Variants in TPGS2 observed in about 807,000 individuals in gnomAD.
TPGS2 encodes the protein polyglutamylase subunit 2.
A neutral mutation model predicts 31.1 loss-of-function variants in TPGS2; 26 were observed. The ratio of observed to expected loss-of-function variants is 0.84; its 90% confidence interval spans 0.61 to 1.16. The LOEUF is 1.16. Among genes scored for constraint, TPGS2 ranks in the 50% most tolerant of loss-of-function variants. TPGS2 has a pLI of 0.00. For missense variants in TPGS2, 351 were observed against 363.8 expected (o/e 0.96, Z 0.29); for synonymous variants, 130 against 136.6 (o/e 0.95, Z 0.34).
chr18:36,794,328 C>T lies in TPGS2; in HGVS notation c.*2477G>A, dbSNP rs528183086. The T allele has an allele frequency of 4.1e-6, 4 of 985,438 alleles. No homozygotes were observed. The highest frequency in any genetic ancestry group is 4.8e-6 in the Non-Finnish European group (4 of 829,962). The allele number at this position is 985,438 out of a possible 1,614,324, so 61.0% of individuals were successfully genotyped here. A position where few individuals can be genotyped will look rare whatever the true frequency, so the allele number is the denominator to read the frequency against. On this transcript the variant is annotated 3_prime_UTR_variant, in exon 7 of 7. Coordinates refer to ENST00000334295, the MANE Select transcript of TPGS2 (RefSeq NM_015476.4). ...TCAGTCCTGCTCTTCCCTGCTCACT[C>T]CTTCTGAGGCAGGTCTTGAGCCTTT...
At chr18:36,791,862 T>C (rs2044320913), downstream of TPGS2, among the ~76,000 whole-genome samples, 1 of 151,858 alleles carries the variant, frequency 6.6e-6, no homozygotes, top group Non-Finnish European at 1.5e-5. Flanking sequence ...GGAGACTGCA[T>C]CTCTATAAAT....
downstream of TPGS2, among the ~76,000 whole-genome samples, chr18:36,790,607 AAG>A (rs1475338724): frequency 6.6e-5 from 10 of 152,240 alleles, no homozygotes; most frequent in Non-Finnish European, 1.3e-4. Context: ...TTTGGATGCC[AAG>A]ACATTGGAAC....
At chr18:36,815,473 T>A (rs1028207334) in intron 2 of TPGS2, among the ~76,000 whole-genome samples, 1 of 152,068 alleles carries the variant, frequency 6.6e-6, no homozygotes, top group African/African-American at 2.4e-5. Flanking sequence ...AAAAAACATA[T>A]CTGACATACA....
chr18:36,828,759 C>G lies in TPGS2; in HGVS notation c.9G>C (p.Glu3Asp). The change falls in exon 1 of 7, where the codon GAG (glutamate) becomes GAC (aspartate). Residue 3 changes from glutamate to aspartate, a missense_variant. Coordinates refer to ENST00000334295, the MANE Select transcript of TPGS2 (RefSeq NM_015476.4). Reference sequence around the variant, plus strand: ...AGCCCAGCCCCGGGGACGATGCCTCCTCCTCCATGGCTCGCGACCGCGATT... The same window carrying G: ...AGCCCAGCCCCGGGGACGATGCCTCGTCCTCCATGGCTCGCGACCGCGATT... ME[E>D]EASSPGLGCS... The G allele has an allele frequency of 6.2e-7, 1 of 1,613,734 alleles. No individual in the cohort carries two copies. Among genetic ancestry groups the G allele is most frequent in the Non-Finnish European group, 8.5e-7 (1 of 1,179,894 alleles).
At chr18:36,791,295 T>C (rs185365317), downstream of TPGS2, among the ~76,000 whole-genome samples, 316 of 152,350 alleles carry the variant, frequency 2.1e-3, 4 homozygotes, top group Non-Finnish European at 5.1e-4. Context: ...TTTATAGCTA[T>C]GTGAGAATGG....
downstream of TPGS2, chr18:36,790,064 A>G: frequency 6.6e-6 from 1 of 152,264 alleles, no homozygotes; most frequent in East Asian, 1.9e-4. Flanking sequence ...ATTCTATGTG[A>G]AGTCAATACT....
At chr18:36,789,810 AG>A (rs2044245960), downstream of TPGS2, 1 of 152,222 alleles carries the variant, frequency 6.6e-6, no homozygotes, top group Non-Finnish European at 1.5e-5. Flanking sequence ...TGATTTTATA[AG>A]GGGGTTTCCC....
chr18:36,787,729 C>T (rs1393330078), intron 6 of TPGS2, among the ~76,000 whole-genome samples: 1 of 152,134 alleles, frequency 6.6e-6, no homozygotes, highest in Non-Finnish European at 1.5e-5. Flanking sequence ...GCAATTCAGT[C>T]AACTTCAGAG....
intron 2 of TPGS2, among the ~76,000 whole-genome samples, chr18:36,816,217 TTATC>T: frequency 6.6e-6 from 1 of 152,318 alleles, no homozygotes; most frequent in Middle Eastern, 3.4e-3. Context: ...TGATGGCTAT[TTATC>T]TAGCACTACA....
At chr18:36,817,009 A>C (rs2045686820) in intron 2 of TPGS2, among the ~76,000 whole-genome samples, 2 of 152,244 alleles carry the variant, frequency 1.3e-5, no homozygotes, top group African/African-American at 4.8e-5. Flanking sequence ...TAACAAACAA[A>C]ACAACATCAA....
intron 4 of TPGS2, among the ~76,000 whole-genome samples, chr18:36,801,261 C>T (rs1483008245): frequency 6.6e-6 from 1 of 152,150 alleles, no homozygotes; most frequent in African/African-American, 2.4e-5. Context: ...TTTTAAGATC[C>T]AGGGAGACAG....
intron 2 of TPGS2, among the ~76,000 whole-genome samples, chr18:36,817,433 CTTT>C (rs111810411): frequency 2.8e-5 from 4 of 141,096 alleles, no homozygotes; most frequent in Admixed American, 7.1e-5. Flanking sequence ...TTCTTTCTTT[CTTT>C]TTTTTTTTTT....
rs1465997228 is a variant in TPGS2, at chr18:36,809,475, T to C, written c.166-1541A>G. Among the ~76,000 whole-genome samples, 8 of 152,356 alleles carry C rather than the reference T, an allele frequency of 5.3e-5. No homozygotes were observed. The East Asian group carries it at 1.5e-3, about 29-fold the overall frequency. On this transcript the variant is annotated intron_variant, in intron 2 of 6. Coordinates refer to ENST00000334295, the MANE Select transcript of TPGS2 (RefSeq NM_015476.4). ...TCAAGTTTTGTTTTTTCTGTGTCCA[T>C]TATTTAGTACCCAGTCTCATAAATG...
intron 4 of TPGS2, 131 bp downstream of exon 4, chr18:36,805,243 G>T: frequency 1.9e-6 from 2 of 1,068,272 alleles, no homozygotes; most frequent in South Asian, 3.1e-5. Context: ...GAATCCTCTT[G>T]ATACTGAAAT....
Position 36,798,566 on chromosome 18 carries a change from T to C in TPGS2, c.540A>G (p.Leu180=). 6.2e-7 allele frequency: 1 copy of C among 1,614,202 alleles called. No homozygotes were observed. ...DTEIWFLDRA[L]YWHFLTDTFT... Reference sequence around the variant, plus strand: ...AGGTGTCTGTGAGAAAATGCCAGTATAACGCTCTGTCCAGGAACCAGATCT... The same window carrying C: ...AGGTGTCTGTGAGAAAATGCCAGTACAACGCTCTGTCCAGGAACCAGATCT... Residue 180 remains leucine (L), a synonymous_variant, in exon 6 of 7, where the codon TTA becomes TTG. Coordinates refer to ENST00000334295, the MANE Select transcript of TPGS2 (RefSeq NM_015476.4).
At chr18:36,801,337 A>AT (rs983870929) in intron 4 of TPGS2, among the ~76,000 whole-genome samples, 1 of 151,948 alleles carries the variant, frequency 6.6e-6, no homozygotes, top group African/African-American at 2.4e-5. Context: ...ATTTTATTTT[A>AT]TTTTTTTGAG....
intron 1 of TPGS2, among the ~76,000 whole-genome samples, chr18:36,822,018 G>A (rs1049174795): frequency 4.6e-5 from 7 of 152,202 alleles, no homozygotes; most frequent in Admixed American, 6.5e-5. Context: ...GGGGAGACCA[G>A]GTCTTCTCGC....
At chr18:36,811,746 G>A (rs750744484) in intron 2 of TPGS2, among the ~76,000 whole-genome samples, 6 of 152,246 alleles carry the variant, frequency 3.9e-5, no homozygotes, top group South Asian at 2.1e-4. Context: ...TGACTTTTGC[G>A]TTTTATCTAA....
intron 2 of TPGS2, among the ~76,000 whole-genome samples, chr18:36,817,992 T>C (rs1160033983): frequency 6.6e-6 from 1 of 152,158 alleles, no homozygotes; most frequent in Non-Finnish European, 1.5e-5. Flanking sequence ...TGACTCCCCT[T>C]TGCTTCCAGG....
Sources: gnomAD v4.1 joint callset for allele counts (sites outside exome capture counted in the v4.1 genomes callset) on GRCh38, gnomAD v4.1.1 for gene constraint, MANE v1.5 for transcripts, NCBI Gene and HGNC (gene_info 2026-07-23, HGNC 2026-07-21) for gene names.